Variants in CSMD1 observed in about 807,000 individuals in gnomAD.
The protein encoded by CSMD1 is CUB and Sushi multiple domains 1, also known as CUB and sushi domain-containing protein 1.
CSMD1 carries 213 observed loss-of-function variants against 417.5 expected under a neutral mutation model. The ratio of observed to expected loss-of-function variants is 0.51; its 90% confidence interval spans 0.46 to 0.57. CSMD1 has a LOEUF of 0.57. CSMD1 is among the 20% of genes least tolerant of loss of function. The probability of loss-of-function intolerance (pLI) is 0.00; values close to 1 mark genes in which losing one functional copy is unlikely to be tolerated. For missense variants in CSMD1, 6,923 were observed against 4,529.7 expected (o/e 1.53, Z -15.17); for synonymous variants, 2,862 against 1,736.8 (o/e 1.65, Z -16.11).
intron 50 of CSMD1, among the ~76,000 whole-genome samples, chr8:3,052,017 G>A (rs1197995364): frequency 6.6e-6 from 1 of 152,168 alleles, no homozygotes; most frequent in Non-Finnish European, 1.5e-5. Context: ...ATGCAGAGCA[G>A]GTGATACACA....
chr8:4,350,867 C>A lies in CSMD1; in HGVS notation c.415+69086G>T, dbSNP rs946137601. Among the ~76,000 whole-genome samples, 7 of 152,100 alleles carry A rather than the reference C, an allele frequency of 4.6e-5. No homozygotes were observed. The East Asian group carries it at 7.7e-4, about 17-fold the overall frequency. ...ACACTATCTGCCAGTGGCTCTAGTT[C>A]CGGTGGATGGAGGGGAAAGGATGTG... is the stretch of plus-strand genomic sequence containing the variant. On this transcript the variant is annotated intron_variant, in intron 3 of 69. Transcript: ENST00000635120.
intron 5 of CSMD1, among the ~76,000 whole-genome samples, chr8:3,788,486 T>A (rs189792956): frequency 2.3e-3 from 347 of 152,288 alleles, no homozygotes; most frequent in African/African-American, 8.1e-3. Context: ...AATTCTTTCC[T>A]ACTTAAGAAC....
intron 2 of CSMD1, among the ~76,000 whole-genome samples, chr8:4,580,245 G>A (rs1055470565): frequency 2.0e-5 from 3 of 152,050 alleles, no homozygotes; most frequent in African/African-American, 4.8e-5. Flanking sequence ...GCCTTAACAC[G>A]CCCTCTGCTC....
chr8:3,244,524 T>A (rs765793265), intron 26 of CSMD1, among the ~76,000 whole-genome samples: 5 of 152,198 alleles, frequency 3.3e-5, no homozygotes, highest in African/African-American at 1.2e-4. Context: ...GCTTTTACAC[T>A]GTACATACAT....
At chr8:4,812,916 T>C (rs919865937) in intron 1 of CSMD1, among the ~76,000 whole-genome samples, 4 of 152,184 alleles carry the variant, frequency 2.6e-5, no homozygotes, top group African/African-American at 9.7e-5. Flanking sequence ...TATCAGTTTA[T>C]AGCAACACTA....
chr8:3,968,581 G>A (rs960858858), intron 5 of CSMD1, among the ~76,000 whole-genome samples: 2 of 152,160 alleles, frequency 1.3e-5, no homozygotes, highest in African/African-American at 2.4e-5. Context: ...GAGAACAGGT[G>A]TATTTCAGAT....
At chr8:3,779,708 ATATTT>A (rs144088475) in intron 5 of CSMD1, among the ~76,000 whole-genome samples, 2,631 of 152,320 alleles carry the variant, frequency 0.017, 30 homozygotes, top group Non-Finnish European at 0.03. Context: ...TATCTAGCGC[ATATTT>A]TATATCTGCA....
intron 3 of CSMD1, among the ~76,000 whole-genome samples, chr8:4,094,018 AAAAGAC>A (rs1800866931): frequency 6.6e-6 from 1 of 152,094 alleles, no homozygotes; most frequent in Non-Finnish European, 1.5e-5. Context: ...AGATAAAGAA[AAAAGAC>A]AAAGAAAATC....
intron 1 of CSMD1, among the ~76,000 whole-genome samples, chr8:4,648,914 T>A (rs114249022): frequency 0.012 from 1,829 of 152,270 alleles, 43 homozygotes; most frequent in African/African-American, 0.041. Flanking sequence ...TATACGTAAA[T>A]CAATTTCAGT....
At position 4,765,176 on chromosome 8, in the gene CSMD1, T is replaced by G. The variant is rs1448392781; in HGVS notation, c.86-127618A>C. 3.3e-5 allele frequency among the ~76,000 whole-genome samples: 5 copies of G among 152,308 alleles called. No homozygotes were observed. The East Asian group carries it at 9.7e-4, about 29-fold the overall frequency. ...AGCTCGTGACTTTTTTTCTTTATTT[T>G]TTAGAAACTGTGTTCTTCCGTCTCA... On this transcript the variant is annotated intron_variant, in intron 1 of 69. Transcript: ENST00000635120.
At chr8:3,171,660 G>A (rs1237342289) in intron 37 of CSMD1, among the ~76,000 whole-genome samples, 3 of 152,078 alleles carry the variant, frequency 2.0e-5, no homozygotes. Flanking sequence ...AAAACATCAT[G>A]AATTCTAAAG....
At chr8:4,889,431 G>C (rs1232994478) in intron 1 of CSMD1, among the ~76,000 whole-genome samples, 1 of 152,060 alleles carries the variant, frequency 6.6e-6, no homozygotes, top group Non-Finnish European at 1.5e-5. Flanking sequence ...GGGAAAAGTA[G>C]CCAAAATTTG....
At chr8:3,580,426 A>G (rs1800334039) in intron 9 of CSMD1, among the ~76,000 whole-genome samples, 1 of 152,110 alleles carries the variant, frequency 6.6e-6, no homozygotes, top group African/African-American at 2.4e-5. Context: ...GAGAGGGGAA[A>G]CCAAATGCAA....
intron 64 of CSMD1, among the ~76,000 whole-genome samples, chr8:2,955,154 C>A (rs1256290173): frequency 6.6e-6 from 1 of 152,228 alleles, no homozygotes; most frequent in African/African-American, 2.4e-5. Flanking sequence ...TTACCACAAA[C>A]AGCATGTGGT....
At chr8:4,587,323 T>C (rs11997101) in intron 2 of CSMD1, among the ~76,000 whole-genome samples, 70 of 152,140 alleles carry the variant, frequency 4.6e-4, no homozygotes, top group African/African-American at 1.7e-3. Flanking sequence ...GCAAAAATAA[T>C]TACACAACTG....
intron 47 of CSMD1, among the ~76,000 whole-genome samples, chr8:3,093,315 T>G (rs970425869): frequency 6.6e-6 from 1 of 151,560 alleles, no homozygotes; most frequent in African/African-American, 2.4e-5. Flanking sequence ...TGGAGGAGAG[T>G]CCCGCCCTTC....
intron 1 of CSMD1, among the ~76,000 whole-genome samples, chr8:4,752,213 T>A (rs576505441): frequency 6.6e-6 from 1 of 152,306 alleles, no homozygotes; most frequent in South Asian, 2.1e-4. Context: ...TAAACAGTAC[T>A]ATCATATCTT....
intron 22 of CSMD1, among the ~76,000 whole-genome samples, chr8:3,347,035 G>T (rs1260106203): frequency 6.6e-6 from 1 of 152,024 alleles, no homozygotes; most frequent in African/African-American, 2.4e-5. Flanking sequence ...ATTGTCTTGC[G>T]GCACGCATAA....
At chr8:4,020,253 A>T (rs1172292845) in intron 4 of CSMD1, among the ~76,000 whole-genome samples, 2 of 152,236 alleles carry the variant, frequency 1.3e-5, no homozygotes, top group Non-Finnish European at 2.9e-5. Flanking sequence ...ACAGTGTCCA[A>T]TTGACAGCAC....
Sources: allele counts gnomAD v4.1 joint callset (sites outside exome capture counted in the v4.1 genomes callset), GRCh38; gene constraint gnomAD v4.1.1; transcripts MANE v1.5; gene names NCBI Gene and HGNC (gene_info 2026-07-23, HGNC 2026-07-21).